Variants in EPS15 observed in about 807,000 individuals in gnomAD.
The protein encoded by EPS15 is epidermal growth factor receptor substrate 15.
A neutral mutation model predicts 113.8 loss-of-function variants in EPS15; 72 were observed. The ratio of observed to expected loss-of-function variants is 0.63; its 90% CI spans 0.52 to 0.77. The LOEUF is 0.77. EPS15 is among the 30% of genes least tolerant of loss of function. The probability of loss-of-function intolerance (pLI) is 0.00; values close to 1 mark genes in which losing one functional copy is unlikely to be tolerated. For synonymous variants in EPS15, 344 were observed against 363.4 expected, an observed-to-expected ratio of 0.95 and a Z score of 0.61; for missense variants, 1,048 against 1,045.8, an observed-to-expected ratio of 1.00 and a Z score of -0.03.
intron 2 of EPS15, among the ~76,000 whole-genome samples, chr1:51,478,135 C>G (rs1643948134): frequency 6.6e-6 from 1 of 152,176 alleles, no homozygotes; most frequent in African/African-American, 2.4e-5. Context: ...AATCTGGGTG[C>G]TCCTGTATTG....
chr1:51,436,217 C>T (rs1570301845), intron 12 of EPS15, among the ~76,000 whole-genome samples: 4 of 152,244 alleles, frequency 2.6e-5, no homozygotes, highest in African/African-American at 9.6e-5. Flanking sequence ...AGCCTTTACA[C>T]CATGTTCAAA....
rs137882751 is a variant in EPS15 at position 51,464,340 on chromosome 1, A to T, written c.376-542T>A. ...CTGTAGCCTCCACCTCCCGGGTTCA[A>T]GCGATTCTCCTGCCTCAGCCTCCCG... On this transcript the variant is annotated intron_variant, in intron 6 of 24. Coordinates refer to ENST00000371733, the MANE Select transcript of EPS15 (RefSeq NM_001981.3). Among the ~76,000 whole-genome samples, 235 of 151,902 alleles carry T rather than the reference A, an allele frequency of 1.5e-3. 1 individual carries two copies. The highest frequency in any genetic ancestry group is 5.4e-3 in the African/African-American group (223 of 41,396).
rs1644472933 is a variant in EPS15 at position 51,504,939 on chromosome 1, G to A, written c.33+14260C>T. Among the ~76,000 whole-genome samples the A allele has an allele frequency of 3.3e-5, 5 of 152,050 alleles. No homozygotes were observed. In the South Asian group the frequency reaches 1.0e-3, roughly 32 times the overall value. On this transcript the variant is annotated intron_variant, in intron 1 of 24. Transcript: ENST00000371733. The stretch of plus-strand genomic sequence containing the variant: ...AGTTTGAGACCAGCCCAGACAACAT[G>A]GTAAAACCCTGTCTCTACTAAAAAT...
Position 51,399,108 on chromosome 1 carries a change from A to G in EPS15, c.1976T>C (p.Phe659Ser). 1.2e-6 allele frequency: 2 copies of G among 1,614,072 alleles called. No individual in the cohort carries two copies. Among genetic ancestry groups the G allele is most frequent in the Non-Finnish European group, 1.7e-6 (2 of 1,179,876 alleles). The change falls in exon 20 of 25, where the codon TTC (phenylalanine) becomes TCC (serine). Residue 659 changes from phenylalanine to serine, a missense_variant. Phe to Ser is a radical substitution (Grantham distance 155). Coordinates refer to ENST00000371733, the MANE Select transcript of EPS15 (RefSeq NM_001981.3). ...GSDPFASDCF[F>S]RQSTDPFATS... Reference sequence around the variant, plus strand: ...GGCAAAAGGATCAGTAGATTGCCTGAAGAAACAGTCTGATGCAAATGGATC... The same window carrying G: ...GGCAAAAGGATCAGTAGATTGCCTGGAGAAACAGTCTGATGCAAATGGATC...
intron 24 of EPS15, among the ~76,000 whole-genome samples, chr1:51,358,979 C>T (rs1004547803): frequency 4.6e-5 from 7 of 151,670 alleles, no homozygotes; most frequent in African/African-American, 1.7e-4. Context: ...GCTGGGATTA[C>T]AGGTGTGAGC....
At position 51,370,920 on chromosome 1, in the gene EPS15, A is replaced by G. The variant is rs1401547718; in HGVS notation, c.2120-4891T>C. Among the ~76,000 whole-genome samples the G allele has an allele frequency of 1.4e-5, 2 of 144,572 alleles. 1 individual carries two copies. The highest frequency in any genetic ancestry group is 5.2e-5 in the African/African-American group (2 of 38,440). 94.8% of individuals were successfully genotyped at this position (144,572 alleles called of 152,430 possible). On this transcript the variant is annotated intron_variant, in intron 21 of 24. Transcript: ENST00000371733. ...AGGCATAAGCCACCATGCCCACCCT[A>G]TTTTGGTTTTTTTGAGATGGAATCT...
At chr1:51,395,478 C>T (rs983879304) in intron 20 of EPS15, among the ~76,000 whole-genome samples, 7 of 152,034 alleles carry the variant, frequency 4.6e-5, no homozygotes, top group Admixed American at 1.3e-4. Flanking sequence ...AATCATTCTG[C>T]ATTCTGACCC....
intron 16 of EPS15, among the ~76,000 whole-genome samples, chr1:51,405,348 TAAAAA>T (rs112663963): frequency 2.6e-5 from 4 of 151,576 alleles, no homozygotes; most frequent in African/African-American, 9.7e-5. Flanking sequence ...TGAGGGTACT[TAAAAA>T]AAAAGTTTTA....
In EPS15 at chr1:51,356,516, GAAAA is replaced by G; in HGVS notation, c.*180_*183del. Reference sequence around the variant, plus strand: ...TCTGACTGGGTTACGGCTTTTATAAGAAAAAAAAAAAAAGACGAATCTGTAATGA... The same window carrying G: ...TCTGACTGGGTTACGGCTTTTATAAGAAAAAAAAAGACGAATCTGTAATGA... On this transcript the variant is annotated 3_prime_UTR_variant, in exon 25 of 25. Coordinates refer to ENST00000371733, the MANE Select transcript of EPS15 (RefSeq NM_001981.3). 6.4e-6 allele frequency: 2 copies of G among 312,532 alleles called. No homozygotes were observed. Among genetic ancestry groups the G allele is most frequent in the Non-Finnish European group, 5.3e-6 (1 of 189,872 alleles). 19.4% of individuals were successfully genotyped at this position (312,532 alleles called of 1,614,324 possible).
chr1:51,401,442 C>T (rs1242518951), intron 18 of EPS15, among the ~76,000 whole-genome samples: 9 of 152,082 alleles, frequency 5.9e-5, no homozygotes, highest in African/African-American at 1.9e-4. Flanking sequence ...GAATGAAGCT[C>T]GACCTCTATC....
chr1:51,384,275 A>G (rs991612289), intron 21 of EPS15, among the ~76,000 whole-genome samples: 1 of 149,784 alleles, frequency 6.7e-6, no homozygotes. Context: ...TAGCCAAAGC[A>G]GTCTTTTTCT....
intron 12 of EPS15, among the ~76,000 whole-genome samples, chr1:51,425,375 C>T (rs147965929): frequency 6.6e-6 from 1 of 152,292 alleles, no homozygotes; most frequent in Admixed American, 6.5e-5. Context: ...GGGTGTAAGC[C>T]ATCTGTCTCA....
At chr1:51,409,804 T>C in intron 13 of EPS15, 108 bp from the exon 14 acceptor site, 1 of 722,636 alleles carries the variant, frequency 1.4e-6, no homozygotes. Flanking sequence ...CTGAGTATAC[T>C]GTGTTGATGA....
intron 2 of EPS15, among the ~76,000 whole-genome samples, chr1:51,480,515 G>A (rs913906970): frequency 6.6e-6 from 1 of 151,998 alleles, no homozygotes; most frequent in South Asian, 2.1e-4. Flanking sequence ...TTTTTTTGTT[G>A]TTGTTTGTTT....
Position 51,355,124 on chromosome 1 carries a change from A to T in EPS15, c.*1576T>A. ...TTTATGCAGAAATGTTTCTATTTAC[A>T]AAGGTAGAAAAAAGTTAGCAGTGCA... On this transcript the variant is annotated 3_prime_UTR_variant, in exon 25 of 25. Coordinates refer to ENST00000371733, the MANE Select transcript of EPS15 (RefSeq NM_001981.3). 4.6e-6 allele frequency: 1 copy of T among 218,822 alleles called. No individual in the cohort carries two copies. Among genetic ancestry groups the T allele is most frequent in the East Asian group, 6.8e-5 (1 of 14,798 alleles). 13.6% of individuals were successfully genotyped at this position (218,822 alleles called of 1,614,324 possible).
At chr1:51,446,778 T>G (rs17106587) in intron 10 of EPS15, among the ~76,000 whole-genome samples, 182 bp downstream of exon 10, 8,064 of 152,232 alleles carry the variant, frequency 0.053, 691 homozygotes, top group African/African-American at 0.18. Context: ...TTATAAAGCT[T>G]CAGGTAACCC....
intron 20 of EPS15, among the ~76,000 whole-genome samples, chr1:51,397,910 C>T (rs1648119878): frequency 6.6e-6 from 1 of 152,154 alleles, no homozygotes; most frequent in South Asian, 2.1e-4. Context: ...AACGAAGTCT[C>T]AAAATACAAA....
intron 10 of EPS15, among the ~76,000 whole-genome samples, chr1:51,445,769 T>G (rs1316617985): frequency 6.6e-6 from 1 of 152,228 alleles, no homozygotes; most frequent in East Asian, 1.9e-4. Context: ...ATTCCAGCTT[T>G]TCTACTTATT....
At chr1:51,383,722 A>G (rs1216398756) in intron 21 of EPS15, among the ~76,000 whole-genome samples, 2 of 152,190 alleles carry the variant, frequency 1.3e-5, no homozygotes, top group East Asian at 3.8e-4. Context: ...TCCCTGCAAT[A>G]TAGTAGTGGA....
Sources: gnomAD v4.1 joint callset for allele counts (sites outside exome capture counted in the v4.1 genomes callset) on GRCh38, gnomAD v4.1.1 for gene constraint, MANE v1.5 for transcripts, NCBI Gene and HGNC (gene_info 2026-07-23, HGNC 2026-07-21) for gene names.